FOCAD: variants seen among roughly 807,000 people sequenced by gnomAD.
FOCAD encodes KIAA1797.
In FOCAD, 198 loss-of-function variants were observed where a neutral mutation model predicts 225.6. That is an observed-to-expected ratio of 0.88 (90% CI 0.78 to 0.99). The LOEUF (loss-of-function observed/expected upper bound fraction) is 0.99. Among genes scored for constraint, FOCAD ranks in the 50% least tolerant of loss-of-function variants. The pLI is 0.00. For synonymous variants in FOCAD, 897 were observed against 755.0 expected, an observed-to-expected ratio of 1.19 and a Z score of -3.08; for missense variants, 2,713 against 2,123.6, an observed-to-expected ratio of 1.28 and a Z score of -5.46.
chr9:20,799,412 T>A (rs201866064), intron 11 of FOCAD, among the ~76,000 whole-genome samples: 8 of 152,092 alleles, frequency 5.3e-5, no homozygotes, highest in Non-Finnish European at 1.0e-4. Context: ...TGTTAACTTT[T>A]TGTCTCGTTG....
chr9:20,913,031 C>A (rs1177285994), intron 23 of FOCAD, 77 bp downstream of exon 23: 1 of 1,207,222 alleles, frequency 8.3e-7, no homozygotes, highest in Non-Finnish European at 1.2e-6. Flanking sequence ...ACTTTAAAGG[C>A]TTTAAGATTA....
At chr9:20,750,845 AT>A (rs1828474038) in intron 5 of FOCAD, among the ~76,000 whole-genome samples, 1 of 152,122 alleles carries the variant, frequency 6.6e-6, no homozygotes, top group African/African-American at 2.4e-5. Flanking sequence ...TTGGCATAGA[AT>A]TATTAGTAGC....
chr9:20,749,694 G>T (rs1828369715), intron 5 of FOCAD, among the ~76,000 whole-genome samples: 1 of 152,114 alleles, frequency 6.6e-6, no homozygotes, highest in African/African-American at 2.4e-5. Flanking sequence ...TGCAGGCATT[G>T]TTTCCTCACA....
At chr9:20,743,553 C>G (rs1045437400) in intron 5 of FOCAD, among the ~76,000 whole-genome samples, 2 of 152,114 alleles carry the variant, frequency 1.3e-5, no homozygotes, top group African/African-American at 4.8e-5. Flanking sequence ...CTTAGCCCCT[C>G]TGAATTTTAT....
At chr9:20,875,717 C>T (rs892485884) in intron 19 of FOCAD, 21 of 151,872 alleles carry the variant, frequency 1.4e-4, no homozygotes, top group African/African-American at 4.6e-4. Context: ...AAATGGTAGA[C>T]GATACCATTT....
At chr9:20,986,265 A>ATTTTT in intron 39 of FOCAD, 23 bp from the exon 40 acceptor site, 2 of 457,022 alleles carry the variant, frequency 4.4e-6, no homozygotes, top group Non-Finnish European at 2.9e-6. Context: ...GTAACTAAAC[A>ATTTTT]ATTTTTTTTT....
chr9:20,693,377 T>C (rs1350804031), intron 1 of FOCAD, among the ~76,000 whole-genome samples: 2 of 152,176 alleles, frequency 1.3e-5, no homozygotes, highest in African/African-American at 4.8e-5. Flanking sequence ...GAAACCTCTC[T>C]CTCTAATACT....
chr9:20,657,002 G>C (rs999808316), upstream of FOCAD, among the ~76,000 whole-genome samples: 2 of 151,920 alleles, frequency 1.3e-5, no homozygotes, highest in African/African-American at 4.8e-5. Flanking sequence ...GCATTTGCTT[G>C]TCTGTAAAGT....
intron 24 of FOCAD, among the ~76,000 whole-genome samples, chr9:20,921,000 A>G (rs904446413): frequency 2.0e-5 from 3 of 151,366 alleles, no homozygotes; most frequent in African/African-American, 7.3e-5. Flanking sequence ...TAAATAAATA[A>G]ATGAAGGTGA....
At chr9:20,939,023 G>T (rs765811216) in intron 28 of FOCAD, among the ~76,000 whole-genome samples, 39 of 151,236 alleles carry the variant, frequency 2.6e-4, no homozygotes, top group Non-Finnish European at 4.4e-4. Context: ...GGTTGCAGGC[G>T]CCTGTAGTCC....
chr9:20,991,580 A>AG (rs1179137552), intron 42 of FOCAD, among the ~76,000 whole-genome samples: 2 of 152,182 alleles, frequency 1.3e-5, no homozygotes, highest in Non-Finnish European at 2.9e-5. Context: ...TGGGAGGCCA[A>AG]GGCAGGCAGA....
At chr9:20,674,025 T>C (rs1822155203) in intron 2 of FOCAD, among the ~76,000 whole-genome samples, 1 of 152,234 alleles carries the variant, frequency 6.6e-6, no homozygotes, top group Non-Finnish European at 1.5e-5. Context: ...CCAGTTTGGA[T>C]AAGAAGCGAG....
chr9:20,935,456 A>C (rs756744099), intron 28 of FOCAD, among the ~76,000 whole-genome samples: 2 of 152,092 alleles, frequency 1.3e-5, no homozygotes, highest in African/African-American at 4.8e-5. Context: ...GCTGGAGTGC[A>C]ATGGTGGAAT....
intron 2 of FOCAD, among the ~76,000 whole-genome samples, chr9:20,672,648 G>T (rs1260749156): frequency 6.6e-6 from 1 of 152,068 alleles, no homozygotes; most frequent in Non-Finnish European, 1.5e-5. Flanking sequence ...ACAGGGTCTC[G>T]CCACATTGGC....
At chr9:20,702,884 G>A (rs191587007) in intron 1 of FOCAD, among the ~76,000 whole-genome samples, 3 of 152,238 alleles carry the variant, frequency 2.0e-5, no homozygotes, top group East Asian at 3.9e-4. Context: ...TCTATGTTAT[G>A]CTTTGCATTT....
intron 7 of FOCAD, among the ~76,000 whole-genome samples, chr9:20,769,028 C>G (rs1229402969): frequency 6.6e-6 from 1 of 152,044 alleles, no homozygotes; most frequent in Non-Finnish European, 1.5e-5. Flanking sequence ...AATATATTGT[C>G]AAGTAAACAT....
intron 24 of FOCAD, among the ~76,000 whole-genome samples, chr9:20,921,475 C>T (rs1834426624): frequency 6.6e-6 from 1 of 152,140 alleles, no homozygotes; most frequent in African/African-American, 2.4e-5. Flanking sequence ...TAGATTCCCA[C>T]CTCTCCAGCT....
rs1587140194 is a variant in FOCAD at position 20,781,907 on chromosome 9, G to A, written c.1175G>A (p.Cys392Tyr). The stretch of plus-strand genomic sequence containing the variant: ...CTTTTGGAAATGATACAGCAGGAAT[G>A]TTACAGAGATGACCACCAAAAGGTA... The part of the protein sequence containing the change: ...LNLLEMIQQE[C>Y]YRDDHQKLSY... Residue 392 changes from cysteine to tyrosine, a missense_variant, in exon 10 of 44, where the codon TGT becomes TAT. Physicochemically the swap from Cys to Tyr is radical, Grantham distance 194. Transcript: ENST00000338382. 6.2e-7 allele frequency: 1 copy of A among 1,613,910 alleles called. No homozygotes were observed. Among genetic ancestry groups the A allele is most frequent in the Non-Finnish European group, 8.5e-7 (1 of 1,179,860 alleles).
intron 15 of FOCAD, among the ~76,000 whole-genome samples, chr9:20,854,881 GC>G (rs2131641135): frequency 6.6e-6 from 1 of 151,790 alleles, no homozygotes; most frequent in African/African-American, 2.4e-5. Context: ...TTGTAGGCTG[GC>G]AGTTTCCTTA....
Sources: gnomAD v4.1 joint callset for allele counts (sites outside exome capture counted in the v4.1 genomes callset) on GRCh38, gnomAD v4.1.1 for gene constraint, MANE v1.5 for transcripts, NCBI Gene and HGNC (gene_info 2026-07-23, HGNC 2026-07-21) for gene names.